ITIH4: variants seen among roughly 807,000 people sequenced by gnomAD.
ITIH4 encodes inter-alpha-trypsin inhibitor heavy chain 4, also known as inter-alpha-trypsin inhibitor heavy chain H4.
ITIH4 carries 79 observed loss-of-function variants against 111.8 expected under a neutral mutation model. The observed-to-expected ratio is 0.71, with a 90% CI of 0.59 to 0.85. The LOEUF (loss-of-function observed/expected upper bound fraction) is 0.85, where lower values mean the gene tolerates loss of function less well. ITIH4 is among the 40% of genes least tolerant of loss of function. ITIH4 has a pLI of 0.00. For missense variants in ITIH4, 1,065 were observed against 1,195.8 expected, an observed-to-expected ratio of 0.89 and a Z score of 1.61; for synonymous variants, 472 against 468.3, an observed-to-expected ratio of 1.01 and a Z score of -0.10.
At chr3:52,817,291 G>A (rs943297723) in intron 20 of ITIH4, among the ~76,000 whole-genome samples, 57 of 152,166 alleles carry the variant, frequency 3.7e-4, no homozygotes, top group Admixed American at 8.5e-4. Flanking sequence ...CCTCGGCGAC[G>A]GCCACCCTCA....
intron 6 of ITIH4, 76 bp downstream of exon 6, chr3:52,825,810 C>T (rs1019078672): frequency 1.7e-5 from 25 of 1,513,692 alleles, no homozygotes; most frequent in Non-Finnish European, 2.0e-5. Context: ...TTTTCCTGTT[C>T]TAAAATACCC....
At position 52,819,709 on chromosome 3, in the gene ITIH4, C is replaced by G. The variant is rs376782047; in HGVS notation, c.1951+45G>C. The stretch of plus-strand genomic sequence containing the variant: ...AATAATGGACCTCCCTCAAGCTCCC[C>G]CCCAGGGATGTCATGCCTCCCCCTG... On this transcript the variant is annotated intron_variant, in intron 16 of 23. Transcript: ENST00000266041. 6.6e-5 allele frequency: 106 copies of G among 1,604,172 alleles called. No individual in the cohort carries two copies. In the African/African-American group the frequency reaches 1.3e-3, roughly 19 times the overall value.
chr3:52,816,522 T>C (rs555418368), intron 21 of ITIH4, among the ~76,000 whole-genome samples: 1 of 152,280 alleles, frequency 6.6e-6, no homozygotes, highest in Admixed American at 6.5e-5. Flanking sequence ...ACTCTCTCAT[T>C]GGGTTCTCCC....
intron 21 of ITIH4, 83 bp downstream of exon 21, chr3:52,816,801 C>T: frequency 7.3e-7 from 1 of 1,368,528 alleles, no homozygotes; most frequent in Non-Finnish European, 1.0e-6. Context: ...AGGTCCATGG[C>T]CTCAGGCCAC....
At chr3:52,826,281 C>A (rs959706002) in intron 5 of ITIH4, among the ~76,000 whole-genome samples, 1 of 152,220 alleles carries the variant, frequency 6.6e-6, no homozygotes, top group Non-Finnish European at 1.5e-5. Flanking sequence ...CCACCTGGCC[C>A]CAGGACCCTC....
chr3:52,814,402 A>T, intron 21 of ITIH4, 39 bp from the exon 22 acceptor site: 1 of 1,590,666 alleles, frequency 6.3e-7, no homozygotes, highest in Non-Finnish European at 8.6e-7. Flanking sequence ...GAAGGTAGAG[A>T]CGTGTGCACA....
chr3:52,820,078 A>T (rs548144289), intron 14 of ITIH4, 88 bp from the exon 15 acceptor site: 2 of 1,442,870 alleles, frequency 1.4e-6, no homozygotes, highest in Non-Finnish European at 1.9e-6. Context: ...AGTGCTGGGG[A>T]CAGGGCCTGA....
At position 52,829,289 on chromosome 3, in the gene ITIH4, C is replaced by T. The variant is rs1700532748; in HGVS notation, c.91-10G>A. 2.5e-6 allele frequency: 4 copies of T among 1,597,440 alleles called. No individual in the cohort carries two copies. The highest frequency in any genetic ancestry group is 1.7e-4 in the Middle Eastern group (1 of 6,012). On this transcript the variant is annotated splice_polypyrimidine_tract_variant and intron_variant, in intron 1 of 23. Coordinates refer to ENST00000266041, the MANE Select transcript of ITIH4 (RefSeq NM_002218.5). ...AGATGTCGATGCCATTCTGGACCAG[C>T]AAAGAAGAAGGGGGTTGCAGGGTTT...
chr3:52,819,344 G>T (rs763365757), intron 17 of ITIH4, 49 bp downstream of exon 17: 1 of 1,611,072 alleles, frequency 6.2e-7, no homozygotes, highest in South Asian at 1.1e-5. Flanking sequence ...GCAGGCTCAA[G>T]GACCACCGTG....
chr3:52,829,428 C>G lies in ITIH4; in HGVS notation c.91-149G>C, dbSNP rs147682173. 4.1e-5 allele frequency: 31 copies of G among 754,674 alleles called. No individual in the cohort carries two copies. In the African/African-American group the frequency reaches 4.5e-4, roughly 11 times the overall value. The allele number at this position is 754,674 out of a possible 1,614,324, so 46.7% of individuals were successfully genotyped here. On this transcript the variant is annotated intron_variant, in intron 1 of 23. Transcript: ENST00000266041. ...CCACTGACCAGGCCTCAGGCTGAAC[C>G]CAGTGAGGCATCTCATATGTGAACA...
rs1700312588 is a variant in ITIH4 at position 52,818,176 on chromosome 3, A to G, written c.2180-8T>C. The G allele has an allele frequency of 1.2e-6, 2 of 1,607,146 alleles. No homozygotes were observed. Among genetic ancestry groups the G allele is most frequent in the Non-Finnish European group, 1.7e-6 (2 of 1,175,462 alleles). ...AGGGAGCCTGTATGGGGGCTGGGAC[A>G]GCCGGGGCACGGCTCCTGGAGCAGG... On this transcript the variant is annotated splice_polypyrimidine_tract_variant and splice_region_variant and intron_variant, in intron 19 of 23. Transcript: ENST00000266041.
intron 21 of ITIH4, among the ~76,000 whole-genome samples, chr3:52,814,714 G>A (rs1700249940): frequency 6.6e-6 from 1 of 152,088 alleles, no homozygotes; most frequent in Admixed American, 6.6e-5. Context: ...TACCTCCCAA[G>A]TAGCTGGTAC....
chr3:52,815,935 C>T (rs1452802210), intron 21 of ITIH4, among the ~76,000 whole-genome samples: 1 of 151,982 alleles, frequency 6.6e-6, no homozygotes, highest in Non-Finnish European at 1.5e-5. Context: ...ATCCACCCAC[C>T]TTGGCCTACC....
Position 52,814,461 on chromosome 3 carries a change from C to T in ITIH4, c.2472-98G>A, listed in dbSNP as rs1310626990. 5.6e-6 allele frequency: 6 copies of T among 1,072,532 alleles called. No individual in the cohort carries two copies. The Admixed American group carries it at 7.9e-5, about 14-fold the overall frequency. 66.4% of individuals were successfully genotyped at this position (1,072,532 alleles called of 1,614,324 possible). On this transcript the variant is annotated intron_variant, in intron 21 of 23. Transcript: ENST00000266041. ...AGTGGGCTGGGCTTCCCCTCTTGTCCAGGAAGTCACGGAGTGGCCTTGGGT... is the reference window on the plus strand; with the variant it reads ...AGTGGGCTGGGCTTCCCCTCTTGTCTAGGAAGTCACGGAGTGGCCTTGGGT...
At chr3:52,818,425 C>G in intron 18 of ITIH4, 37 bp downstream of exon 18, 1 of 1,578,626 alleles carries the variant, frequency 6.3e-7, no homozygotes, top group Non-Finnish European at 8.6e-7. Flanking sequence ...CTCCCAGGAT[C>G]CCCCTGTTAG....
At chr3:52,828,463 G>A (rs766345536) in intron 2 of ITIH4, among the ~76,000 whole-genome samples, 1 of 152,214 alleles carries the variant, frequency 6.6e-6, no homozygotes, top group Non-Finnish European at 1.5e-5. Context: ...CCCCACCATC[G>A]CCCTGTTTCT....
intron 17 of ITIH4, 33 bp from the exon 18 acceptor site, chr3:52,818,569 G>A (rs1377387449): frequency 1.3e-6 from 2 of 1,566,324 alleles, no homozygotes; most frequent in Non-Finnish European, 8.7e-7. Context: ...CAGAAAGGGA[G>A]CAGGAAGGCA....
intron 15 of ITIH4, 48 bp from the exon 16 acceptor site, chr3:52,819,840 G>A (rs979124329): frequency 3.6e-5 from 58 of 1,609,792 alleles, no homozygotes; most frequent in Non-Finnish European, 4.8e-5. Flanking sequence ...AGGCCCGAGG[G>A]CTGTCACCAG....
At chr3:52,816,271 A>C (rs1291181711) in intron 21 of ITIH4, among the ~76,000 whole-genome samples, 1 of 152,190 alleles carries the variant, frequency 6.6e-6, no homozygotes, top group Non-Finnish European at 1.5e-5. Context: ...TCCCTCACCC[A>C]AAAGAGGTGG....
Sources: allele counts gnomAD v4.1 joint callset (sites outside exome capture counted in the v4.1 genomes callset), GRCh38; gene constraint gnomAD v4.1.1; transcripts MANE v1.5; gene names NCBI Gene and HGNC (gene_info 2026-07-23, HGNC 2026-07-21).